Variants in DACH2 observed in about 807,000 individuals in gnomAD.
DACH2 encodes dachshund homolog 2.
A neutral mutation model predicts 35.8 loss-of-function variants in DACH2; 17 were observed. The ratio of observed to expected loss-of-function variants is 0.48; its 90% CI spans 0.33 to 0.71. The LOEUF (loss-of-function observed/expected upper bound fraction) is 0.71, where lower values mean the gene tolerates loss of function less well. Among genes scored for constraint, DACH2 ranks in the 30% least tolerant of loss-of-function variants. The pLI, the probability that DACH2 is intolerant of heterozygous loss-of-function variation, is 0.02. For missense variants in DACH2, 469 were observed against 472.7 expected (o/e 0.99, Z 0.07); for synonymous variants, 195 against 177.3 (o/e 1.10, Z -0.79).
Position 86,310,494 on chromosome X carries a change from C to A in DACH2, c.489-66330C>A, listed in dbSNP as rs763515472. Among the ~76,000 whole-genome samples the A allele has an allele frequency of 2.7e-5, 3 of 111,455 alleles. No homozygotes were observed. The East Asian group carries it at 8.6e-4, about 32-fold the overall frequency. ...CTCTGCACGATATGCAGGCACCACC[C>A]AAAAGTGGACAGCTGCAGCACAACA... On this transcript the variant is annotated intron_variant, in intron 1 of 11. Coordinates refer to ENST00000373125, the MANE Select transcript of DACH2 (RefSeq NM_053281.3).
chrX:86,484,989 C>T (rs1426708402), intron 2 of DACH2, among the ~76,000 whole-genome samples: 1 of 111,596 alleles, frequency 9.0e-6, no homozygotes, highest in Non-Finnish European at 1.9e-5. Context: ...GATAGAGATA[C>T]AGCTGTCTCC....
Position 86,715,509 on chromosome X carries a change from T to C in DACH2, c.1104+789T>C, listed in dbSNP as rs1248463198. On this transcript the variant is annotated intron_variant, in intron 6 of 11. Transcript: ENST00000373125. ...TTTCTTCTTGTGAGGAGGTGATATA[T>C]GGGTACATAGGATCCCAAGATTTTA... 2.7e-5 allele frequency among the ~76,000 whole-genome samples: 3 copies of C among 111,296 alleles called. No homozygotes were observed. In the East Asian group the frequency reaches 8.5e-4, roughly 31 times the overall value.
At chrX:86,778,659 G>A (rs184408365) in intron 7 of DACH2, among the ~76,000 whole-genome samples, 1 of 110,778 alleles carries the variant, frequency 9.0e-6, no homozygotes, top group Non-Finnish European at 1.9e-5. Flanking sequence ...CACCCAGGTG[G>A]CAGTGCAGTG....
intron 10 of DACH2, among the ~76,000 whole-genome samples, chrX:86,815,273 C>T (rs2042435947): frequency 9.0e-6 from 1 of 111,344 alleles, no homozygotes; most frequent in Non-Finnish European, 1.9e-5. Flanking sequence ...GTTGAAAAAA[C>T]ATGTTCTAAG....
chrX:86,349,886 C>T (rs1356252311), intron 1 of DACH2, among the ~76,000 whole-genome samples: 1 of 111,828 alleles, frequency 8.9e-6, no homozygotes, highest in Non-Finnish European at 1.9e-5. Flanking sequence ...TTAGTTCAGG[C>T]CAGGTGTGGT....
At chrX:86,201,095 A>G (rs1045539455) in intron 1 of DACH2, among the ~76,000 whole-genome samples, 1 of 111,728 alleles carries the variant, frequency 9.0e-6, no homozygotes, top group African/African-American at 3.2e-5. Flanking sequence ...ATCATGGAAT[A>G]CTATGCAGTC....
In DACH2 at chrX:86,249,205, G is replaced by A. The variant is rs776026039; in HGVS notation, c.488+100097G>A. On this transcript the variant is annotated intron_variant, in intron 1 of 11. Coordinates refer to ENST00000373125, the MANE Select transcript of DACH2 (RefSeq NM_053281.3). ...TCAACAAACAAAAACTGATAAGTGG[G>A]GCCTAATTTAACTAAGGAGCTTTTG... Among the ~76,000 whole-genome samples the A allele has an allele frequency of 2.7e-5, 3 of 111,056 alleles. No individual in the cohort carries two copies. In the East Asian group the frequency reaches 8.4e-4, roughly 31 times the overall value.
At chrX:86,403,996 A>G (rs2036480512) in intron 2 of DACH2, among the ~76,000 whole-genome samples, 1 of 109,331 alleles carries the variant, frequency 9.1e-6, no homozygotes, top group Non-Finnish European at 1.9e-5. Context: ...TTTTTTTTTA[A>G]AGCACCAGAT....
At chrX:86,301,094 A>T (rs187759765) in intron 1 of DACH2, among the ~76,000 whole-genome samples, 1 of 112,049 alleles carries the variant, frequency 8.9e-6, no homozygotes, top group Admixed American at 9.5e-5. Flanking sequence ...GAAGTAACAC[A>T]TTGGACTTAA....
At chrX:86,537,509 C>A (rs2038820630) in intron 3 of DACH2, among the ~76,000 whole-genome samples, 1 of 111,804 alleles carries the variant, frequency 8.9e-6, no homozygotes, top group South Asian at 3.7e-4. Context: ...AAAATGCTTT[C>A]ATTCTCTAAC....
Position 86,394,685 on chromosome X carries a change from T to A in DACH2, c.527+17823T>A, listed in dbSNP as rs191074393. Among the ~76,000 whole-genome samples the A allele has an allele frequency of 2.7e-5, 3 of 111,879 alleles. No homozygotes were observed. In the East Asian group the frequency reaches 8.5e-4, roughly 32 times the overall value. ...ACAATCTTATGAAAATGGTAAAGATTTTTAAAAATGAAATAAGCAATATCA... is the reference window on the plus strand; with the variant it reads ...ACAATCTTATGAAAATGGTAAAGATATTTAAAAATGAAATAAGCAATATCA... On this transcript the variant is annotated intron_variant, in intron 2 of 11. Transcript: ENST00000373125.
chrX:86,228,845 G>C (rs2032885562), intron 1 of DACH2, among the ~76,000 whole-genome samples: 1 of 110,824 alleles, frequency 9.0e-6, no homozygotes, highest in African/African-American at 3.3e-5. Flanking sequence ...GTTTGAGTTA[G>C]TTGTAGATTC....
intron 2 of DACH2, among the ~76,000 whole-genome samples, chrX:86,452,244 A>G (rs1167814754): frequency 1.8e-5 from 2 of 111,718 alleles, no homozygotes; most frequent in Non-Finnish European, 3.8e-5. Flanking sequence ...TTTATTAAGA[A>G]TTTTTGCATC....
intron 1 of DACH2, among the ~76,000 whole-genome samples, chrX:86,281,333 AG>A (rs1169732007): frequency 9.0e-6 from 1 of 111,410 alleles, no homozygotes; most frequent in Non-Finnish European, 1.9e-5. Flanking sequence ...CTCGGATGCA[AG>A]GCTGGTTAAA....
At chrX:86,263,062 G>GA (rs1041521898) in intron 1 of DACH2, 51 of 647,323 alleles carry the variant, frequency 7.9e-5, no homozygotes, top group East Asian at 1.6e-4. Context: ...AGAAAAAGGA[G>GA]AAAAAAGCAT....
At chrX:86,800,751 C>T (rs758728821) in intron 7 of DACH2, among the ~76,000 whole-genome samples, 2 of 111,524 alleles carry the variant, frequency 1.8e-5, no homozygotes, top group African/African-American at 6.5e-5. Context: ...CACACTGCAA[C>T]CTTCGCCTTC....
rs184315736 is a variant in DACH2, at chrX:86,419,733, A to G, written c.527+42871A>G. ...TGCTGTTGTGAGGGGATTATCTCAGAAAATTATGTGGAATGATAACACCAC... is the reference window on the plus strand; with the variant it reads ...TGCTGTTGTGAGGGGATTATCTCAGGAAATTATGTGGAATGATAACACCAC... On this transcript the variant is annotated intron_variant, in intron 2 of 11. Transcript: ENST00000373125. Among the ~76,000 whole-genome samples the G allele has an allele frequency of 2.4e-4, 27 of 111,903 alleles. No individual in the cohort carries two copies. The East Asian group carries it at 3.1e-3, about 13-fold the overall frequency.
intron 1 of DACH2, among the ~76,000 whole-genome samples, chrX:86,190,009 C>T (rs941754317): frequency 1.6e-4 from 18 of 109,161 alleles, no homozygotes; most frequent in African/African-American, 6.0e-4. Flanking sequence ...ACTAAAAATA[C>T]AAAAATTAGC....
chrX:86,347,190 G>A (rs972157159), intron 1 of DACH2, among the ~76,000 whole-genome samples: 21 of 111,895 alleles, frequency 1.9e-4, no homozygotes, highest in Non-Finnish European at 3.2e-4. Flanking sequence ...AATAACAAGC[G>A]AGGAAAAACC....
Sources: allele counts gnomAD v4.1 joint callset (sites outside exome capture counted in the v4.1 genomes callset), GRCh38; gene constraint gnomAD v4.1.1; transcripts MANE v1.5; gene names NCBI Gene and HGNC (gene_info 2026-07-23, HGNC 2026-07-21).